Variants in THOC5 observed in about 807,000 individuals in gnomAD.
THOC5 encodes THO complex subunit 5, also known as Fms-interacting protein.
THOC5 carries 43 observed loss-of-function variants against 92.9 expected under a neutral mutation model. The ratio of observed to expected loss-of-function variants is 0.46; its 90% confidence interval spans 0.36 to 0.60. THOC5 has a LOEUF of 0.60. Ranked by LOEUF, THOC5 falls within the 20% of genes least tolerant of loss-of-function variation. The pLI is 0.00. For missense variants in THOC5, 659 were observed against 849.4 expected (o/e 0.78, Z 2.79); for synonymous variants, 296 against 320.1 (o/e 0.92, Z 0.80).
At chr22:29,548,754 G>A (rs1448314931) in intron 2 of THOC5, among the ~76,000 whole-genome samples, 1 of 152,084 alleles carries the variant, frequency 6.6e-6, no homozygotes, top group African/African-American at 2.4e-5. Context: ...TGCTGCAGAT[G>A]GACTACCTTC....
chr22:29,528,815 G>C (rs1308165866), intron 9 of THOC5: 2 of 496,748 alleles, frequency 4.0e-6, no homozygotes, highest in Non-Finnish European at 7.2e-6. Context: ...GGTACTATGT[G>C]CTGAGAATTA....
At chr22:29,523,238 T>C (rs1027222510) in intron 12 of THOC5, among the ~76,000 whole-genome samples, 3 of 151,894 alleles carry the variant, frequency 2.0e-5, no homozygotes, top group Non-Finnish European at 4.4e-5. Flanking sequence ...AGAGACTCCT[T>C]CTCAAAATAA....
At chr22:29,516,505 G>A (rs777570449) in intron 17 of THOC5, among the ~76,000 whole-genome samples, 1 of 152,160 alleles carries the variant, frequency 6.6e-6, no homozygotes, top group Non-Finnish European at 1.5e-5. Context: ...CAGCACAACG[G>A]CCCAAACACA....
At chr22:29,533,595 G>C (rs2063697648) in intron 7 of THOC5, among the ~76,000 whole-genome samples, 2 of 152,262 alleles carry the variant, frequency 1.3e-5, no homozygotes, top group South Asian at 4.1e-4. Flanking sequence ...CTCATTAAAA[G>C]ATACCATTAG....
chr22:29,530,829 C>T (rs1261108534), intron 8 of THOC5, among the ~76,000 whole-genome samples: 1 of 152,104 alleles, frequency 6.6e-6, no homozygotes, highest in East Asian at 1.9e-4. Flanking sequence ...CATATGGTCC[C>T]AAGAGCCTGA....
At position 29,507,020 on chromosome 22, in the gene THOC5, C is replaced by T. The variant is rs563680749; in HGVS notation, c.*1437G>A. ...AGTAACTGGGACTATTGGTGCATAC[C>T]ACCACACCTGGCTGATTTTTAAATT... On this transcript the variant is annotated 3_prime_UTR_variant, in exon 20 of 20. Transcript: ENST00000490103. The T allele has an allele frequency of 6.6e-6, 1 of 152,136 alleles. No individual in the cohort carries two copies. Among genetic ancestry groups the T allele is most frequent in the African/African-American group, 2.4e-5 (1 of 41,420 alleles). The allele number at this position is 152,136 out of a possible 1,614,324, so 9.4% of individuals were successfully genotyped here.
At chr22:29,514,703 T>A (rs186354148) in intron 17 of THOC5, among the ~76,000 whole-genome samples, 2,831 of 149,400 alleles carry the variant, frequency 0.019, 75 homozygotes, top group African/African-American at 0.066. Context: ...AATGAAAAAA[T>A]ATATATATAT....
At chr22:29,531,517 C>A in intron 8 of THOC5, 3 of 1,098,776 alleles carry the variant, frequency 2.7e-6, no homozygotes, top group Non-Finnish European at 3.3e-6. Context: ...GATCTAACTG[C>A]CAAGCGTGCC....
rs146999961 is a variant in THOC5 at position 29,528,091 on chromosome 22, G to A, written c.1053C>T (p.Asp351=). 3.7e-6 allele frequency: 6 copies of A among 1,614,196 alleles called. No individual in the cohort carries two copies. The highest frequency in any genetic ancestry group is 1.6e-4 in the Middle Eastern group (1 of 6,062). The change falls in exon 11 of 20, where the codon GAC becomes GAT. Residue 351 remains aspartate, a synonymous_variant. Coordinates refer to ENST00000490103, the MANE Select transcript of THOC5 (RefSeq NM_003678.5). The part of the protein sequence containing the change: ...LKRHPLSVML[D]LKCKDDSVLH... Reference sequence around the variant, plus strand: ...GTGCAACCAGACCTTTGCACTTCAGGTCGAGCATGACAGACAGTGGGTGCC... The same window carrying A: ...GTGCAACCAGACCTTTGCACTTCAGATCGAGCATGACAGACAGTGGGTGCC...
rs1025534560 is a variant in THOC5, at chr22:29,517,053, T to C, written c.1657A>G (p.Met553Val). 6.2e-7 allele frequency: 1 copy of C among 1,614,094 alleles called. No homozygotes were observed. The highest frequency in any genetic ancestry group is 1.7e-5 in the Admixed American group (1 of 60,020). Residue 553 changes from methionine to valine, a missense_variant, in exon 17 of 20, where the codon ATG becomes GTG. Coordinates refer to ENST00000490103, the MANE Select transcript of THOC5 (RefSeq NM_003678.5). ...GLAGDTNLYY[M>V]ALIERGTAKL... ...CCTGTGCCCCTTTCGATGAGCGCCA[T>C]GTAGTAGAGATTGGTGTCCCCAGCC...
intron 7 of THOC5, chr22:29,534,537 TTC>T (rs1226163854): frequency 2.7e-5 from 4 of 146,534 alleles, no homozygotes; most frequent in Admixed American, 6.9e-5. Context: ...TGTGCTTTTC[TTC>T]TGTTTTTTTT....
At chr22:29,547,761 C>A (rs2064053546) in intron 2 of THOC5, among the ~76,000 whole-genome samples, 1 of 152,184 alleles carries the variant, frequency 6.6e-6, no homozygotes. Flanking sequence ...CAAACTGTTC[C>A]AACCTCTGCC....
At chr22:29,548,059 G>A (rs1047575509) in intron 2 of THOC5, among the ~76,000 whole-genome samples, 39 of 152,144 alleles carry the variant, frequency 2.6e-4, no homozygotes, top group African/African-American at 9.2e-4. Flanking sequence ...ATCTCATGAG[G>A]CTTATTCACT....
At chr22:29,529,360 T>A in intron 8 of THOC5, 121 bp from the exon 9 acceptor site, 1 of 1,014,454 alleles carries the variant, frequency 9.9e-7, no homozygotes, top group East Asian at 2.4e-5. Context: ...TGACTAAGGG[T>A]GGAAGGGCAA....
chr22:29,551,508 G>A (rs1242210378), intron 1 of THOC5, among the ~76,000 whole-genome samples: 1 of 152,096 alleles, frequency 6.6e-6, no homozygotes, highest in Non-Finnish European at 1.5e-5. Context: ...GGGAAACCAA[G>A]GCAAGCAGAG....
chr22:29,531,480 C>T (rs2063654032), intron 8 of THOC5: 1 of 1,039,984 alleles, frequency 9.6e-7, no homozygotes. Flanking sequence ...CCAGGCACCC[C>T]CACCCTGAAG....
chr22:29,508,343 T>C lies in THOC5; in HGVS notation c.*114A>G. The C allele has an allele frequency of 1.7e-6, 2 of 1,175,660 alleles. No individual in the cohort carries two copies. Among genetic ancestry groups the C allele is most frequent in the Non-Finnish European group, 2.5e-6 (2 of 815,020 alleles). 72.8% of individuals were successfully genotyped at this position (1,175,660 alleles called of 1,614,324 possible). ...AAGGCCACTGGTCAGGTGACGCTTT[T>C]TAATTGGCTGGTGTCTTTGGAGAAT... On this transcript the variant is annotated 3_prime_UTR_variant, in exon 20 of 20. Transcript: ENST00000490103.
intron 1 of THOC5, among the ~76,000 whole-genome samples, chr22:29,550,570 C>T (rs1207277408): frequency 2.0e-5 from 3 of 152,088 alleles, no homozygotes; most frequent in Admixed American, 6.6e-5. Flanking sequence ...TCCACATCCC[C>T]GACTTGAGGG....
At chr22:29,510,979 G>C in intron 19 of THOC5, 127 bp downstream of exon 19, 6 of 980,202 alleles carry the variant, frequency 6.1e-6, no homozygotes, top group Non-Finnish European at 9.3e-6. Flanking sequence ...AGGTGGACCA[G>C]AGTGATAGGC....
Sources: gnomAD v4.1 joint callset for allele counts (sites outside exome capture counted in the v4.1 genomes callset) on GRCh38, gnomAD v4.1.1 for gene constraint, MANE v1.5 for transcripts, NCBI Gene and HGNC (gene_info 2026-07-23, HGNC 2026-07-21) for gene names.